Variants in MPHOSPH9 observed in about 807,000 individuals in gnomAD.
The protein encoded by MPHOSPH9 is M-phase phosphoprotein 9.
In MPHOSPH9, 88 loss-of-function variants were observed where a neutral mutation model predicts 145.5. The ratio of observed to expected loss-of-function variants is 0.60; its 90% CI spans 0.51 to 0.72. The LOEUF (loss-of-function observed/expected upper bound fraction) is 0.72, where lower values mean the gene tolerates loss of function less well. Ranked by LOEUF, MPHOSPH9 falls within the 30% of genes least tolerant of loss-of-function variation. MPHOSPH9 has a pLI of 0.00. For synonymous variants in MPHOSPH9, 435 were observed against 486.2 expected (o/e 0.89, Z 1.39); for missense variants, 1,238 against 1,386.6 (o/e 0.89, Z 1.70).
upstream of MPHOSPH9, among the ~76,000 whole-genome samples, chr12:123,236,859 G>A (rs1333395420): frequency 6.6e-6 from 1 of 152,048 alleles, no homozygotes; most frequent in Non-Finnish European, 1.5e-5. Context: ...CGAGGCGGGC[G>A]GATCGCCTGA....
At chr12:123,204,628 G>A (rs564792978) in intron 8 of MPHOSPH9, among the ~76,000 whole-genome samples, 7 of 152,086 alleles carry the variant, frequency 4.6e-5, no homozygotes, top group East Asian at 3.9e-4. Context: ...TAATCCCAGC[G>A]CTTTGGGAGG....
chr12:123,239,784 A>G (rs2047903063), intron 1 of MPHOSPH9, among the ~76,000 whole-genome samples: 1 of 152,002 alleles, frequency 6.6e-6, no homozygotes, highest in Non-Finnish European at 1.5e-5. Context: ...TTTTTCCCCC[A>G]GATGACCCAG....
chr12:123,165,442 C>G lies in MPHOSPH9; in HGVS notation c.2627G>C (p.Gly876Ala), dbSNP rs575678982. 6.2e-6 allele frequency: 10 copies of G among 1,613,886 alleles called. No individual in the cohort carries two copies. In the East Asian group the frequency reaches 2.2e-4, roughly 36 times the overall value. ...TATCAACAAGCTTGTTGATGAACTTCCAGGTGAAGAATCCTTTTCCAGAGG... is the reference window on the plus strand; with the variant it reads ...TATCAACAAGCTTGTTGATGAACTTGCAGGTGAAGAATCCTTTTCCAGAGG... ...RSPLEKDSSP[G>A]SSSTSLLIKK... is the part of the protein sequence containing the mutation. Residue 876 changes from glycine (G) to alanine (A), a missense_variant, in exon 18 of 24, where the codon GGA (glycine) becomes GCA (alanine). Transcript: ENST00000606320.
In MPHOSPH9 at chr12:123,154,992, T is replaced by TAA. The variant is rs67657805; in HGVS notation, c.*1813_*1814dup. ...CAATATGGTGAAACACCATCTCTAC[T>TAA]AAAAAAAAAAAAAAGATATATACAT... On this transcript the variant is annotated 3_prime_UTR_variant, in exon 24 of 24. Transcript: ENST00000606320. 406 of 137,436 alleles carry TAA rather than the reference T, an allele frequency of 3.0e-3. 2 individuals are homozygous for TAA. Among genetic ancestry groups the TAA allele is most frequent in the South Asian group, 0.01 (43 of 4,296 alleles). 8.5% of individuals were successfully genotyped at this position (137,436 alleles called of 1,614,324 possible).
At chr12:123,199,121 T>C (rs7312706) in intron 11 of MPHOSPH9, among the ~76,000 whole-genome samples, 2,074 of 152,056 alleles carry the variant, frequency 0.014, 15 homozygotes, top group Non-Finnish European at 0.022. Flanking sequence ...CCCTCCTGCC[T>C]CAACCTCCTG....
intron 13 of MPHOSPH9, among the ~76,000 whole-genome samples, chr12:123,193,106 T>TACACACACAC (rs1425195261): frequency 2.1e-5 from 2 of 97,260 alleles, no homozygotes; most frequent in African/African-American, 9.1e-5. Context: ...AATATATATA[T>TACACACACAC]ATACACACAC....
chr12:123,204,765 C>T (rs1448757517), intron 8 of MPHOSPH9, among the ~76,000 whole-genome samples: 3 of 152,042 alleles, frequency 2.0e-5, no homozygotes, highest in South Asian at 2.1e-4. Flanking sequence ...ATCCCAGCAA[C>T]GCAGGAGACT....
intron 3 of MPHOSPH9, among the ~76,000 whole-genome samples, chr12:123,223,530 T>C (rs1169503548): frequency 1.3e-5 from 2 of 152,170 alleles, no homozygotes; most frequent in Non-Finnish European, 2.9e-5. Flanking sequence ...CGCACCTGCC[T>C]CACGGGCATC....
Position 123,176,807 on chromosome 12 carries a change from A to C in MPHOSPH9, c.2355-18T>G. 1 of 1,538,896 alleles carries C rather than the reference A, an allele frequency of 6.5e-7. No individual in the cohort carries two copies. Among genetic ancestry groups the C allele is most frequent in the Non-Finnish European group, 9.0e-7 (1 of 1,113,226 alleles). ...AAATCATTCTAATTCAAAAGCAATA[A>C]AGATAAATTAAGTACATTTCAACAA... On this transcript the variant is annotated intron_variant, in intron 15 of 23. Transcript: ENST00000606320.
intron 12 of MPHOSPH9, among the ~76,000 whole-genome samples, chr12:123,197,041 T>G (rs1037872810): frequency 1.4e-5 from 2 of 145,940 alleles, no homozygotes; most frequent in South Asian, 2.2e-4. Context: ...GTTTTTTTTT[T>G]TTTTTTTTTT....
chr12:123,184,107 G>C (rs1341147109), intron 13 of MPHOSPH9, among the ~76,000 whole-genome samples: 2 of 151,778 alleles, frequency 1.3e-5, no homozygotes, highest in Non-Finnish European at 2.9e-5. Context: ...TGGGGAGGCT[G>C]AGGCAGGAAG....
intron 6 of MPHOSPH9, among the ~76,000 whole-genome samples, chr12:123,215,327 C>G (rs1230103436): frequency 6.7e-6 from 1 of 149,546 alleles, no homozygotes. Context: ...TTTTTTTTTG[C>G]CTGTGTAATT....
intron 8 of MPHOSPH9, among the ~76,000 whole-genome samples, chr12:123,206,612 T>G (rs1421175820): frequency 1.3e-5 from 2 of 151,652 alleles, no homozygotes; most frequent in African/African-American, 2.4e-5. Context: ...TTTTAAAGTA[T>G]GCATAAGAGT....
intron 14 of MPHOSPH9, among the ~76,000 whole-genome samples, chr12:123,180,431 T>G (rs968808778): frequency 9.9e-5 from 15 of 152,190 alleles, no homozygotes; most frequent in Non-Finnish European, 2.2e-4. Flanking sequence ...ACAGAAATAC[T>G]TGGGCCCCAC....
chr12:123,178,410 T>A (rs2044977793), intron 15 of MPHOSPH9, among the ~76,000 whole-genome samples: 1 of 152,240 alleles, frequency 6.6e-6, no homozygotes. Context: ...TGTTCTTCTC[T>A]ATGAGAACTC....
At chr12:123,168,930 G>C (rs2044446588) in intron 16 of MPHOSPH9, among the ~76,000 whole-genome samples, 1 of 151,264 alleles carries the variant, frequency 6.6e-6, no homozygotes, top group African/African-American at 2.4e-5. Context: ...TGTCGCCCAG[G>C]CTGGAGTGCA....
At chr12:123,165,766 C>T (rs1438428975) in intron 17 of MPHOSPH9, among the ~76,000 whole-genome samples, 2 of 152,140 alleles carry the variant, frequency 1.3e-5, no homozygotes, top group African/African-American at 4.8e-5. Context: ...CCTCACCAAA[C>T]ACTCAGCACC....
rs375621806 is a variant in MPHOSPH9, at chr12:123,161,170, C to T, written c.3347G>A (p.Arg1116Gln). Residue 1116 changes from arginine to glutamine, a missense_variant, in exon 22 of 24, where the codon CGA becomes CAA. Physicochemically the swap from Arg to Gln is conservative, Grantham distance 43. Transcript: ENST00000606320. Reference sequence around the variant, plus strand: ...TTCTTTTGTAAGTTCATCAAAAAATCGTTCTGTTTCAGCTAGGGTCCGAAT... The same window carrying T: ...TTCTTTTGTAAGTTCATCAAAAAATTGTTCTGTTTCAGCTAGGGTCCGAAT... ...AKIRTLAETE[R>Q]FFDELTKEKD... The T allele has an allele frequency of 1.1e-5, 17 of 1,613,754 alleles. No individual in the cohort carries two copies. Among genetic ancestry groups the T allele is most frequent in the East Asian group, 2.2e-5 (1 of 44,880 alleles).
intron 11 of MPHOSPH9, 55 bp downstream of exon 11, chr12:123,202,109 T>C (rs1473311205): frequency 6.8e-7 from 1 of 1,480,822 alleles, no homozygotes; most frequent in African/African-American, 1.4e-5. Flanking sequence ...TATACTTCTG[T>C]GAAAATAATA....
Sources: gnomAD v4.1 joint callset for allele counts (sites outside exome capture counted in the v4.1 genomes callset) on GRCh38, gnomAD v4.1.1 for gene constraint, MANE v1.5 for transcripts, NCBI Gene and HGNC (gene_info 2026-07-23, HGNC 2026-07-21) for gene names.